The following SNRPN variants were observed in gnomAD, a reference collection of about 807,000 sequenced individuals.
SNRPN encodes the protein small nuclear ribonucleoprotein polypeptide N.
A neutral mutation model predicts 25.2 loss-of-function variants in SNRPN; 7 were observed. That is an observed-to-expected ratio of 0.28 (90% confidence interval 0.16 to 0.52). SNRPN has a LOEUF of 0.52. Ranked by LOEUF, SNRPN falls within the 20% of genes least tolerant of loss-of-function variation. The pLI, the probability that SNRPN is intolerant of heterozygous loss-of-function variation, is 0.96. For missense variants in SNRPN, 196 were observed against 322.5 expected (o/e 0.61, Z 3.00); for synonymous variants, 124 against 110.6 (o/e 1.12, Z -0.76).
At chr15:24,844,230 GCAC>G (rs2051988763) in intron 2 of SNRPN, among the ~76,000 whole-genome samples, 1 of 151,934 alleles carries the variant, frequency 6.6e-6, no homozygotes, top group Admixed American at 6.6e-5. Context: ...GGACATAGTG[GCAC>G]CTTACTGTGG....
intron 1 of SNRPN, among the ~76,000 whole-genome samples, chr15:24,860,332 G>GT (rs1555383126): frequency 6.6e-6 from 1 of 151,636 alleles, no homozygotes; most frequent in South Asian, 2.1e-4. Context: ...GATACAAACT[G>GT]GTATTTATTT....
intron 1 of SNRPN, among the ~76,000 whole-genome samples, chr15:24,875,106 A>G (rs139589542): frequency 3.3e-5 from 5 of 152,344 alleles, no homozygotes; most frequent in African/African-American, 1.2e-4. Flanking sequence ...AACTATTTCA[A>G]TTCCTTAGAA....
chr15:24,977,080 G>A (rs776359730), intron 7 of SNRPN, 51 bp downstream of exon 7: 22 of 1,425,484 alleles, frequency 1.5e-5, no homozygotes, highest in Middle Eastern at 2.1e-4. Flanking sequence ...TGACTAAGCC[G>A]GAGGCCGAGG....
chr15:24,863,263 C>T (rs1426279212), intron 1 of SNRPN, among the ~76,000 whole-genome samples: 2 of 150,672 alleles, frequency 1.3e-5, no homozygotes, highest in Non-Finnish European at 2.9e-5. Flanking sequence ...CAGTGGCTGG[C>T]TCATGGCCAC....
intron 1 of SNRPN, among the ~76,000 whole-genome samples, chr15:24,883,036 C>A (rs1471434340): frequency 6.6e-6 from 1 of 151,982 alleles, no homozygotes; most frequent in Non-Finnish European, 1.5e-5. Context: ...AAGTGAAAAA[C>A]AATGGTTGTG....
intron 2 of SNRPN, among the ~76,000 whole-genome samples, chr15:24,892,450 A>G (rs2057750827): frequency 6.6e-6 from 1 of 152,164 alleles, no homozygotes; most frequent in African/African-American, 2.4e-5. Context: ...GGAGATATTA[A>G]ATTCCCCAAA....
chr15:24,920,296 C>T (rs1442551969), intron 3 of SNRPN, among the ~76,000 whole-genome samples: 2 of 152,142 alleles, frequency 1.3e-5, no homozygotes, highest in East Asian at 1.9e-4. Flanking sequence ...GATTTAACTG[C>T]ATAATTTAAT....
intron 3 of SNRPN, among the ~76,000 whole-genome samples, chr15:24,947,254 A>G (rs916178809): frequency 1.2e-4 from 18 of 152,212 alleles, no homozygotes; most frequent in African/African-American, 4.3e-4. Flanking sequence ...CCCTGCCACA[A>G]AAGTACTCCT....
intron 3 of SNRPN, among the ~76,000 whole-genome samples, chr15:24,943,719 C>T (rs760252501): frequency 2.0e-5 from 3 of 152,138 alleles, no homozygotes; most frequent in African/African-American, 2.4e-5. Flanking sequence ...GCTCCAATAT[C>T]CTAAAGGCCT....
chr15:24,955,498 T>C (rs1361780035), intron 1 of SNRPN, among the ~76,000 whole-genome samples: 1 of 147,366 alleles, frequency 6.8e-6, no homozygotes, highest in Non-Finnish European at 1.5e-5. Context: ...GGAGTGATTG[T>C]GGCGGGGCGA....
At chr15:24,944,368 G>A (rs1236174034) in intron 3 of SNRPN, among the ~76,000 whole-genome samples, 2 of 152,128 alleles carry the variant, frequency 1.3e-5, no homozygotes, top group African/African-American at 2.4e-5. Flanking sequence ...ATGTTTGAAG[G>A]TATCATACAT....
At chr15:24,931,960 A>AGTCTTTTTTTTT in intron 3 of SNRPN, among the ~76,000 whole-genome samples, 1 of 151,602 alleles carries the variant, frequency 6.6e-6, no homozygotes, top group African/African-American at 2.4e-5. Context: ...AGAAGTAAAA[A>AGTCTTTTTTTTT]TTTACCAAAA....
intron 1 of SNRPN, among the ~76,000 whole-genome samples, chr15:24,865,444 C>G (rs1001367328): frequency 6.6e-6 from 1 of 152,174 alleles, no homozygotes; most frequent in South Asian, 2.1e-4. Context: ...AGAAACCAGT[C>G]AGACCCAGTC....
At position 24,918,937 on chromosome 15, in the gene SNRPN, ACATATATATAACATAATATATATGCGCG is replaced by A. The variant is rs2059839026; in HGVS notation, c.-504-1063_-504-1036del. On this transcript the variant is annotated intron_variant, in intron 2 of 11. Coordinates refer to the SNRPN transcript ENST00000400097. ...TATATAACATAATATATATATGCGCACATATATATAACATAATATATATGCGCGCATATATATATAACATAATATATAT... is the reference window on the plus strand; with the variant it reads ...TATATAACATAATATATATATGCGCACATATATATATAACATAATATATAT... Among the ~76,000 whole-genome samples, 3 of 45,912 alleles carry A rather than the reference ACATATATATAACATAATATATATGCGCG, an allele frequency of 6.5e-5. 1 individual carries two copies. The highest frequency in any genetic ancestry group is 3.1e-4 in the African/African-American group (3 of 9,672). 30.1% of individuals were successfully genotyped at this position (45,912 alleles called of 152,430 possible).
chr15:24,971,259 C>T (rs796341791), intron 3 of SNRPN, among the ~76,000 whole-genome samples: 7 of 152,308 alleles, frequency 4.6e-5, no homozygotes, highest in African/African-American at 1.7e-4. Context: ...GACTGCTCAT[C>T]CATCCTTGCA....
intron 3 of SNRPN, among the ~76,000 whole-genome samples, chr15:24,938,579 G>A (rs2061380603): frequency 6.6e-6 from 1 of 152,144 alleles, no homozygotes; most frequent in South Asian, 2.1e-4. Context: ...CTGGCCAATT[G>A]AAGATTTTTA....
At chr15:24,918,086 G>T (rs1327603586) in intron 2 of SNRPN, among the ~76,000 whole-genome samples, 4 of 151,942 alleles carry the variant, frequency 2.6e-5, no homozygotes, top group Admixed American at 6.6e-5. Context: ...TTTGAGGGTA[G>T]AATTTATTTT....
intron 2 of SNRPN, among the ~76,000 whole-genome samples, chr15:24,907,023 A>G (rs1388336267): frequency 6.6e-6 from 1 of 152,074 alleles, no homozygotes; most frequent in East Asian, 1.9e-4. Flanking sequence ...AAAGGAGGCA[A>G]GAGAACTGAA....
In SNRPN at chr15:24,978,559, A is replaced by C; in HGVS notation, c.*115A>C. 1 of 948,094 alleles carries C rather than the reference A, an allele frequency of 1.1e-6. No individual in the cohort carries two copies. The highest frequency in any genetic ancestry group is 1.7e-6 in the Non-Finnish European group (1 of 584,650). The allele number at this position is 948,094 out of a possible 1,614,324, so 58.7% of individuals were successfully genotyped here. A position where few individuals can be genotyped will look rare whatever the true frequency, so the allele number is the denominator to read the frequency against. ...TCTGCATTAATAATAGCTAATAATA[A>C]ATGCATAGAGCAATTAAACTGTGAG... On this transcript the variant is annotated 3_prime_UTR_variant, in exon 10 of 10. Coordinates refer to ENST00000390687, the MANE Select transcript of SNRPN (RefSeq NM_003097.6).
Sources: allele counts gnomAD v4.1 joint callset (sites outside exome capture counted in the v4.1 genomes callset), GRCh38; gene constraint gnomAD v4.1.1; transcripts MANE v1.5; gene names NCBI Gene and HGNC (gene_info 2026-07-23, HGNC 2026-07-21).